C1QTNF2: variants seen among roughly 807,000 people sequenced by gnomAD.
The protein encoded by C1QTNF2 is complement C1q tumor necrosis factor-related protein 2.
In C1QTNF2, 15 loss-of-function variants were observed where a neutral mutation model predicts 17.4. The observed-to-expected ratio is 0.86, with a 90% CI of 0.58 to 1.33. The LOEUF is 1.33. Ranked by LOEUF, C1QTNF2 falls within the 40% of genes most tolerant of loss-of-function variation. C1QTNF2 has a pLI of 0.00. For synonymous variants in C1QTNF2, 154 were observed against 163.3 expected (o/e 0.94, Z 0.44); for missense variants, 381 against 392.3 (o/e 0.97, Z 0.24).
In C1QTNF2 at chr5:160,349,674, C is replaced by T. The variant is rs767483548; in HGVS notation, c.352G>A (p.Gly118Arg). Reference protein sequence around the residue: ...RGPKGVNGTPGKHGTPGKKGP... With the variant: ...RGPKGVNGTPRKHGTPGKKGP... ...TTCTTGCCTGGTGTGCCATGCTTCC[C>T]GGGGGTACCGTTGACCCCCTTGGGG... Residue 118 changes from glycine (G) to arginine (R), a missense_variant, in exon 3 of 3, where the codon GGG (glycine) becomes AGG (arginine). Transcript: ENST00000652664. This position sits in a 1 kb window ranked among gnomAD's most constrained non-coding sequence, Gnocchi z 4.3. 2.6e-5 allele frequency: 42 copies of T among 1,612,848 alleles called. No homozygotes were observed. The highest frequency in any genetic ancestry group is 3.5e-5 in the Non-Finnish European group (41 of 1,179,772).
At chr5:160,359,533 A>G (rs375334995) in intron 1 of C1QTNF2, among the ~76,000 whole-genome samples, 3 of 152,366 alleles carry the variant, frequency 2.0e-5, no homozygotes, top group East Asian at 1.9e-4. Flanking sequence ...AATCTCTCTG[A>G]TGCCCTGTAT....
chr5:160,349,413 T>C lies in C1QTNF2; in HGVS notation c.613A>G (p.Asn205Asp). The C allele has an allele frequency of 1.2e-6, 2 of 1,614,046 alleles. No homozygotes were observed. Among genetic ancestry groups the C allele is most frequent in the East Asian group, 4.5e-5 (2 of 44,876 alleles). The change falls in exon 3 of 3, where the codon AAC becomes GAC. Residue 205 changes from asparagine (N) to aspartate (D), a missense_variant. Coordinates refer to ENST00000652664, the MANE Select transcript of C1QTNF2 (RefSeq NM_031908.6). This position sits in a 1 kb window ranked among gnomAD's most constrained non-coding sequence, Gnocchi z 4.3. ...YYFTYDITLA[N>D]KHLAIGLVHN... ...ACCAGGCCGATGGCCAGGTGCTTGT[T>C]GGCCAGCGTGATGTCGTAGGTGAAG...
intron 2 of C1QTNF2, among the ~76,000 whole-genome samples, chr5:160,353,371 G>C (rs377447268): frequency 6.6e-6 from 1 of 152,200 alleles, no homozygotes; most frequent in Non-Finnish European, 1.5e-5. Flanking sequence ...GGTCTGTAGA[G>C]TATATCCATT....
Position 160,347,835 on chromosome 5 carries a change from C to G in C1QTNF2, c.*1333G>C, listed in dbSNP as rs1368673912. ...AGTGCAGTGGCAGGATCTCAGCTAACTGCAACCTCCACCTCCTGGGTTCAA... is the reference window on the plus strand; with the variant it reads ...AGTGCAGTGGCAGGATCTCAGCTAAGTGCAACCTCCACCTCCTGGGTTCAA... On this transcript the variant is annotated 3_prime_UTR_variant, in exon 3 of 3. Coordinates refer to ENST00000652664, the MANE Select transcript of C1QTNF2 (RefSeq NM_031908.6). 3.3e-5 allele frequency: 5 copies of G among 149,596 alleles called. No individual in the cohort carries two copies. Among genetic ancestry groups the G allele is most frequent in the Non-Finnish European group, 7.4e-5 (5 of 67,710 alleles). The allele number at this position is 149,596 out of a possible 1,614,324, so 9.3% of individuals were successfully genotyped here. A position where few individuals can be genotyped will look rare whatever the true frequency, so the allele number is the denominator to read the frequency against.
chr5:160,362,834 T>A (rs1764178972), intron 1 of C1QTNF2, among the ~76,000 whole-genome samples: 1 of 152,206 alleles, frequency 6.6e-6, no homozygotes, highest in African/African-American at 2.4e-5. Flanking sequence ...ATCTGGGCCT[T>A]CATTTCCTCA....
rs768722037 is a variant in C1QTNF2 at position 160,349,811 on chromosome 5, G to T, written c.245-30C>A. ...AAGACAGAGCAGCTGGTGTTATGGA[G>T]GGTCCTCACAGACCTAGGCAGAGGG... On this transcript the variant is annotated intron_variant, in intron 2 of 2. Transcript: ENST00000652664. The surrounding 1 kb of genome is among the most constrained non-coding windows in gnomAD (Gnocchi z 4.3). The T allele has an allele frequency of 2.0e-6, 3 of 1,509,912 alleles. No homozygotes were observed. The African/African-American group carries it at 4.2e-5, about 21-fold the overall frequency. The allele number at this position is 1,509,912 out of a possible 1,614,324, so 93.5% of individuals were successfully genotyped here. A position where few individuals can be genotyped will look rare whatever the true frequency, so the allele number is the denominator to read the frequency against.
At chr5:160,354,612 A>C (rs1421072186) in intron 2 of C1QTNF2, among the ~76,000 whole-genome samples, 156 bp downstream of exon 2, 1 of 137,846 alleles carries the variant, frequency 7.3e-6, no homozygotes, top group Non-Finnish European at 1.5e-5. Flanking sequence ...ATATATATAT[A>C]TATATATATA....
intron 2 of C1QTNF2, among the ~76,000 whole-genome samples, 149 bp downstream of exon 2, chr5:160,354,592 AAAAAAGTATATATATATATATATATAT>A (rs1171680288): frequency 4.3e-5 from 2 of 46,470 alleles, no homozygotes; most frequent in East Asian, 1.6e-3. Flanking sequence ...GGGAAAAAAA[AAAAAAGTATATATATATATATATATAT>A]ATATATATAT....
chr5:160,357,607 C>G (rs892257246), intron 1 of C1QTNF2, among the ~76,000 whole-genome samples: 3 of 152,146 alleles, frequency 2.0e-5, no homozygotes, highest in African/African-American at 7.2e-5. Context: ...AGAATAGAAA[C>G]TGAATTTTTA....
intron 1 of C1QTNF2, among the ~76,000 whole-genome samples, chr5:160,366,831 C>T (rs1764255639): frequency 7.5e-6 from 1 of 133,236 alleles, no homozygotes; most frequent in African/African-American, 2.6e-5. Context: ...CGAGACCAGC[C>T]TGGACAATAT....
intron 1 of C1QTNF2, among the ~76,000 whole-genome samples, chr5:160,364,359 C>T (rs1328432333): frequency 6.6e-6 from 1 of 152,192 alleles, no homozygotes; most frequent in Non-Finnish European, 1.5e-5. Flanking sequence ...TCCTCTCCAA[C>T]ATGAACACGA....
In C1QTNF2 at chr5:160,349,351, G is replaced by A. The variant is rs749983423; in HGVS notation, c.675C>T (p.Ala225=). The change falls in exon 3 of 3, where the codon GCC becomes GCT. Residue 225 remains alanine (A), a synonymous_variant. Transcript: ENST00000652664. The surrounding 1 kb of genome is among the most constrained non-coding windows in gnomAD (Gnocchi z 4.3). ...NGQYRIRTFD[A]NTGNHDVASG... ...AGGCCACATCGTGGTTGCCGGTGTT[G>A]GCATCAAAGGTCCGGATGCGGTACT... 1.2e-5 allele frequency: 19 copies of A among 1,614,138 alleles called. No homozygotes were observed. In the East Asian group the frequency reaches 4.0e-4, roughly 34 times the overall value.
At chr5:160,361,931 ACT>A (rs1764160824) in intron 1 of C1QTNF2, among the ~76,000 whole-genome samples, 1 of 152,152 alleles carries the variant, frequency 6.6e-6, no homozygotes, top group African/African-American at 2.4e-5. Context: ...TGACTTGTTA[ACT>A]CTCTGGCTCT....
chr5:160,360,620 A>T (rs1423334923), intron 1 of C1QTNF2, among the ~76,000 whole-genome samples: 1 of 152,128 alleles, frequency 6.6e-6, no homozygotes, highest in Non-Finnish European at 1.5e-5. Flanking sequence ...GGTAAGTATT[A>T]GTCCTTTCTC....
intron 1 of C1QTNF2, among the ~76,000 whole-genome samples, chr5:160,359,349 T>A (rs1193062728): frequency 3.3e-5 from 5 of 152,204 alleles, no homozygotes; most frequent in Non-Finnish European, 7.3e-5. Context: ...GCTAATTTAC[T>A]TATGTTTACA....
chr5:160,367,256 G>A (rs561366405), intron 1 of C1QTNF2, among the ~76,000 whole-genome samples: 37 of 152,148 alleles, frequency 2.4e-4, no homozygotes, highest in African/African-American at 7.2e-4. Flanking sequence ...TGTTAACATC[G>A]ACGTTTGCAG....
At chr5:160,360,785 T>G (rs866357735) in intron 1 of C1QTNF2, among the ~76,000 whole-genome samples, 6 of 151,604 alleles carry the variant, frequency 4.0e-5, no homozygotes, top group South Asian at 2.1e-4. Context: ...GTTGATAAAC[T>G]TGGATGAGTT....
Position 160,349,380 on chromosome 5 carries a change from C to T in C1QTNF2, c.646G>A (p.Gly216Ser), listed in dbSNP as rs747235151. The T allele has an allele frequency of 8.7e-6, 14 of 1,613,914 alleles. No individual in the cohort carries two copies. The East Asian group carries it at 1.3e-4, about 15-fold the overall frequency. Residue 216 changes from glycine (G) to serine (S), a missense_variant, in exon 3 of 3, where the codon GGC (glycine) becomes AGC (serine). Coordinates refer to ENST00000652664, the MANE Select transcript of C1QTNF2 (RefSeq NM_031908.6). The surrounding 1 kb of genome is among the most constrained non-coding windows in gnomAD (Gnocchi z 4.3). The part of the protein sequence containing the change: ...KHLAIGLVHN[G>S]QYRIRTFDAN... ...TCAAAGGTCCGGATGCGGTACTGGC[C>T]GTTGTGCACCAGGCCGATGGCCAGG... is the stretch of plus-strand genomic sequence containing the variant.
At chr5:160,353,040 GTT>G (rs1480450054) in intron 2 of C1QTNF2, among the ~76,000 whole-genome samples, 1 of 152,130 alleles carries the variant, frequency 6.6e-6, no homozygotes, top group Non-Finnish European at 1.5e-5. Flanking sequence ...AAGTTAAGTA[GTT>G]TGTCAAAATC....
Sources: gnomAD v4.1 joint callset for allele counts (sites outside exome capture counted in the v4.1 genomes callset) on GRCh38, gnomAD v4.1.1 for gene constraint, Gnocchi (gnomAD v3.1) non-coding constraint, MANE v1.5 for transcripts, NCBI Gene and HGNC (gene_info 2026-07-23, HGNC 2026-07-21) for gene names.